Variants in FBXO31 observed in about 807,000 individuals in gnomAD.
The protein encoded by FBXO31 is F-box protein 31.
A neutral mutation model predicts 54.4 loss-of-function variants in FBXO31; 24 were observed. The observed-to-expected ratio is 0.44, with a 90% confidence interval of 0.32 to 0.62. The LOEUF is 0.62. Ranked by LOEUF, FBXO31 falls within the 20% of genes least tolerant of loss-of-function variation. The probability of loss-of-function intolerance (pLI) is 0.05; values close to 1 mark genes in which losing one functional copy is unlikely to be tolerated. For synonymous variants in FBXO31, 388 were observed against 335.6 expected, an observed-to-expected ratio of 1.16 and a Z score of -1.71; for missense variants, 665 against 787.1, an observed-to-expected ratio of 0.84 and a Z score of 1.86.
chr16:87,374,565 T>C (rs1479746807), intron 1 of FBXO31, among the ~76,000 whole-genome samples: 1 of 152,222 alleles, frequency 6.6e-6, no homozygotes, highest in African/African-American at 2.4e-5. Context: ...GAAAAGGGTA[T>C]TTCTAGCGAT....
upstream of FBXO31, among the ~76,000 whole-genome samples, chr16:87,391,380 C>A (rs760977568): frequency 6.6e-6 from 1 of 152,226 alleles, no homozygotes; most frequent in Non-Finnish European, 1.5e-5. Flanking sequence ...GCAATAGCAA[C>A]CAAATATCGC....
At chr16:87,369,999 C>G (rs1226902011) in intron 1 of FBXO31, among the ~76,000 whole-genome samples, 1 of 152,180 alleles carries the variant, frequency 6.6e-6, no homozygotes, top group Non-Finnish European at 1.5e-5. Flanking sequence ...GGCCACCAAC[C>G]TCTGCACACC....
chr16:87,345,457 C>A lies in FBXO31; in HGVS notation c.490-1692G>T, dbSNP rs1286851731. 1.3e-5 allele frequency among the ~76,000 whole-genome samples: 2 copies of A among 152,206 alleles called. No individual in the cohort carries two copies. Among genetic ancestry groups the A allele is most frequent in the East Asian group, 3.9e-4 (2 of 5,190 alleles). On this transcript the variant is annotated intron_variant, in intron 3 of 8. Coordinates refer to ENST00000311635, the MANE Select transcript of FBXO31 (RefSeq NM_024735.5). This position sits in a 1 kb window ranked among gnomAD's most constrained non-coding sequence, Gnocchi z 4.9. The stretch of plus-strand genomic sequence containing the variant: ...ACCACCTCCTCACCCCACAGGGACA[C>A]CTGCAAATACCAAGAAAAGTCAGAC...
In FBXO31 at chr16:87,336,614, C is replaced by A. The variant is rs541639495; in HGVS notation, c.733-350G>T. Among the ~76,000 whole-genome samples, 2 of 151,194 alleles carry A rather than the reference C, an allele frequency of 1.3e-5. No individual in the cohort carries two copies. Among genetic ancestry groups the A allele is most frequent in the Non-Finnish European group, 3.0e-5 (2 of 67,716 alleles). The stretch of plus-strand genomic sequence containing the variant: ...ATGCCCACCGGTGGGGCAGGAACAG[C>A]ATCTACACAGACTCTGGCCCTGCAC... On this transcript the variant is annotated intron_variant, in intron 5 of 8. Transcript: ENST00000311635. The surrounding 1 kb of genome is among the most constrained non-coding windows in gnomAD (Gnocchi z 6.5).
At chr16:87,391,476 C>G (rs532744297), upstream of FBXO31, 2 of 152,378 alleles carry the variant, frequency 1.3e-5, no homozygotes, top group African/African-American at 2.4e-5. Flanking sequence ...AAAACTGTCA[C>G]TAGCGTAAGG....
intron 2 of FBXO31, among the ~76,000 whole-genome samples, chr16:87,359,642 G>A (rs1037252176): frequency 6.6e-6 from 1 of 152,228 alleles, no homozygotes; most frequent in Non-Finnish European, 1.5e-5. Context: ...CGTGGGGTAT[G>A]AGACACTCAC....
At chr16:87,371,628 A>G (rs1231963049) in intron 1 of FBXO31, among the ~76,000 whole-genome samples, 1 of 152,270 alleles carries the variant, frequency 6.6e-6, no homozygotes, top group Non-Finnish European at 1.5e-5. Flanking sequence ...GCAGGGACAC[A>G]CTTGTTTTTT....
chr16:87,336,402 G>C lies in FBXO31; in HGVS notation c.733-138C>G. 1 of 706,384 alleles carries C rather than the reference G, an allele frequency of 1.4e-6. No individual in the cohort carries two copies. The highest frequency in any genetic ancestry group is 2.4e-6 in the Non-Finnish European group (1 of 412,960). 43.8% of individuals were successfully genotyped at this position (706,384 alleles called of 1,614,324 possible). On this transcript the variant is annotated intron_variant, in intron 5 of 8. Transcript: ENST00000311635. The surrounding 1 kb of genome is among the most constrained non-coding windows in gnomAD (Gnocchi z 6.5). Reference sequence around the variant, plus strand: ...CTGCAGGGCCCTCTTGGTGGGGGAGGATGGACTTGGCGCTGGGAAGAGAAA... The same window carrying C: ...CTGCAGGGCCCTCTTGGTGGGGGAGCATGGACTTGGCGCTGGGAAGAGAAA...
chr16:87,351,577 G>A (rs992658273), intron 2 of FBXO31, among the ~76,000 whole-genome samples: 32 of 152,138 alleles, frequency 2.1e-4, no homozygotes, highest in Non-Finnish European at 4.1e-4. Flanking sequence ...AAATAGCAAG[G>A]GATAGGGCTG....
At chr16:87,380,681 C>G (rs898025829) in intron 1 of FBXO31, among the ~76,000 whole-genome samples, 2 of 152,216 alleles carry the variant, frequency 1.3e-5, no homozygotes, top group Non-Finnish European at 2.9e-5. Context: ...AATGAGAATT[C>G]TCACGTTAGC....
At chr16:87,382,681 G>C (rs1231685603) in intron 1 of FBXO31, among the ~76,000 whole-genome samples, 1 of 152,154 alleles carries the variant, frequency 6.6e-6, no homozygotes, top group Non-Finnish European at 1.5e-5. Context: ...GCCTAGGGTG[G>C]AGTGCAATGG....
intron 2 of FBXO31, among the ~76,000 whole-genome samples, chr16:87,349,547 T>C (rs148271177): frequency 2.6e-3 from 394 of 152,222 alleles, no homozygotes; most frequent in Non-Finnish European, 3.9e-3. Context: ...CCGTCTCTAC[T>C]TAAAATACAA....
In FBXO31 at chr16:87,346,765, G is replaced by A. The variant is rs770079501; in HGVS notation, c.489+409C>T. Among the ~76,000 whole-genome samples the A allele has an allele frequency of 7.9e-5, 12 of 152,192 alleles. No homozygotes were observed. Among genetic ancestry groups the A allele is most frequent in the African/African-American group, 9.7e-5 (4 of 41,448 alleles). ...GGGCGGGAGGCAGGGTGGTCAGAGC[G>A]GGTCCACAGCAGAACCCAAGGAAAC... On this transcript the variant is annotated intron_variant, in intron 3 of 8. Transcript: ENST00000311635. This position sits in a 1 kb window ranked among gnomAD's most constrained non-coding sequence, Gnocchi z 4.2.
intron 1 of FBXO31, among the ~76,000 whole-genome samples, chr16:87,368,993 G>T (rs1906483520): frequency 6.6e-6 from 1 of 151,974 alleles, no homozygotes; most frequent in Non-Finnish European, 1.5e-5. Context: ...GTAGTGACGG[G>T]GTTTCGCCAT....
chr16:87,365,512 G>A (rs894256854), intron 1 of FBXO31, among the ~76,000 whole-genome samples: 2 of 152,212 alleles, frequency 1.3e-5, no homozygotes, highest in Non-Finnish European at 2.9e-5. Flanking sequence ...GGGACCTGCA[G>A]CATGGCCTCC....
intron 2 of FBXO31, among the ~76,000 whole-genome samples, chr16:87,353,616 G>C (rs1302402856): frequency 6.6e-6 from 1 of 152,264 alleles, no homozygotes; most frequent in Non-Finnish European, 1.5e-5. Flanking sequence ...GGCTCCGCAA[G>C]AGCCTTCGGA....
chr16:87,342,841 GC>G lies in FBXO31; in HGVS notation c.732+35del, dbSNP rs1445636326. The G allele has an allele frequency of 1.9e-6, 3 of 1,560,982 alleles. No homozygotes were observed. In the Admixed American group the frequency reaches 5.7e-5, roughly 29 times the overall value. ...TTCCCCGTGGGGAAAGGAAAGGTCC[GC>G]ACCATATGAACACAGGGCCGGCTGG... On this transcript the variant is annotated intron_variant, in intron 5 of 8. Transcript: ENST00000311635.
At chr16:87,356,387 C>A (rs1472529220) in intron 2 of FBXO31, among the ~76,000 whole-genome samples, 1 of 152,154 alleles carries the variant, frequency 6.6e-6, no homozygotes, top group Non-Finnish European at 1.5e-5. Flanking sequence ...TCTAGAACGG[C>A]ACAAATGTCT....
Position 87,389,816 on chromosome 16 carries a change from A to C in FBXO31, c.-256T>G, listed in dbSNP as rs188188901. 14 of 152,330 alleles carry C rather than the reference A, an allele frequency of 9.2e-5. No homozygotes were observed. In the East Asian group the frequency reaches 2.7e-3, roughly 29 times the overall value. 9.4% of individuals were successfully genotyped at this position (152,330 alleles called of 1,614,324 possible). ...CTGAACGCTGTCCTAGATCATGTGA[A>C]GGCACAGCTTCAGAGGTTAAAAATT... On this transcript the variant is annotated 5_prime_UTR_variant, in exon 1 of 9. Transcript: ENST00000618298.
Sources: allele counts gnomAD v4.1 joint callset (sites outside exome capture counted in the v4.1 genomes callset), GRCh38; gene constraint gnomAD v4.1.1; non-coding constraint Gnocchi (gnomAD v3.1); transcripts MANE v1.5; gene names NCBI Gene and HGNC (gene_info 2026-07-23, HGNC 2026-07-21).